LRP6: variants seen among roughly 807,000 people sequenced by gnomAD.
LRP6 encodes the protein low-density lipoprotein receptor-related protein 6.
A neutral mutation model predicts 184.1 loss-of-function variants in LRP6; 43 were observed. The observed-to-expected ratio is 0.23, with a 90% CI of 0.18 to 0.30. LRP6 has a LOEUF of 0.30. Ranked by LOEUF, LRP6 falls within the 10% of genes least tolerant of loss-of-function variation. The pLI is 1.00. For missense variants in LRP6, 1,571 were observed against 2,005.3 expected, an observed-to-expected ratio of 0.78 and a Z score of 4.14; for synonymous variants, 719 against 684.9, an observed-to-expected ratio of 1.05 and a Z score of -0.78.
chr12:12,125,486 TCAAG>T (rs1295746898), intron 20 of LRP6, 54 bp from the exon 21 acceptor site: 2 of 1,485,460 alleles, frequency 1.3e-6, no homozygotes, highest in African/African-American at 2.8e-5. Context: ...TAAAAATGTA[TCAAG>T]CAATTTCATT....
In LRP6 at chr12:12,173,933, T is replaced by C. The variant is rs75826156; in HGVS notation, c.1545+5877A>G. On this transcript the variant is annotated intron_variant, in intron 7 of 22. Transcript: ENST00000261349. ...CCAGGTGCTCTGCTGAGTTGAGGAA[T>C]CTAATGATGGAGTTTATCAATATCA... 9.2e-3 allele frequency among the ~76,000 whole-genome samples: 1,407 copies of C among 152,322 alleles called. 20 individuals carry two copies. The highest frequency in any genetic ancestry group is 0.032 in the African/African-American group (1,319 of 41,562).
chr12:12,231,649 G>A (rs1362679804), intron 2 of LRP6, among the ~76,000 whole-genome samples: 1 of 151,562 alleles, frequency 6.6e-6, no homozygotes, highest in Non-Finnish European at 1.5e-5. Flanking sequence ...CATGCCTGTA[G>A]TCCCAGAAGT....
intron 1 of LRP6, among the ~76,000 whole-genome samples, chr12:12,263,600 C>A (rs1026210775): frequency 6.6e-6 from 1 of 151,138 alleles, no homozygotes; most frequent in African/African-American, 2.4e-5. Flanking sequence ...CCCAGAACTC[C>A]GAGAGGCGGA....
intron 2 of LRP6, among the ~76,000 whole-genome samples, chr12:12,242,916 A>C (rs1014487198): frequency 2.0e-5 from 3 of 152,212 alleles, no homozygotes; most frequent in Non-Finnish European, 2.9e-5. Flanking sequence ...CAAGATAAAG[A>C]AGCACATATA....
intron 12 of LRP6, among the ~76,000 whole-genome samples, chr12:12,153,879 G>A (rs1950114862): frequency 6.6e-6 from 1 of 152,184 alleles, no homozygotes; most frequent in African/African-American, 2.4e-5. Flanking sequence ...TGGTAGCTTA[G>A]ACAAAGGTGT....
At position 12,150,836 on chromosome 12, in the gene LRP6, C is replaced by T. The variant is rs1950071482; in HGVS notation, c.2994G>A (p.Gln998=). 7 of 1,613,348 alleles carry T rather than the reference C, an allele frequency of 4.3e-6. No homozygotes were observed. Among genetic ancestry groups the T allele is most frequent in the Non-Finnish European group, 5.1e-6 (6 of 1,179,976 alleles). ...AATTTTGAACCAAGCTCTCAATTAC[C>T]TGGCTGCCATCTTCTTGTGCCTTTC... ...MIRKAQEDGS[Q]GFTVVVSSVP... The change falls in exon 13 of 23, where the codon CAG becomes CAA. Residue 998 remains glutamine, a splice_region_variant and synonymous_variant. Coordinates refer to ENST00000261349, the MANE Select transcript of LRP6 (RefSeq NM_002336.3).
rs191425529 is a variant in LRP6 at position 12,259,741 on chromosome 12, T to C, written c.55+6940A>G. Among the ~76,000 whole-genome samples, 25 of 152,350 alleles carry C rather than the reference T, an allele frequency of 1.6e-4. No homozygotes were observed. The East Asian group carries it at 2.5e-3, about 15-fold the overall frequency. On this transcript the variant is annotated intron_variant, in intron 1 of 22. Coordinates refer to ENST00000261349, the MANE Select transcript of LRP6 (RefSeq NM_002336.3). ...ATTTTAAGAGCAAACAGCCTGTTCT[T>C]AGATTGCCTAGTCTGTATATTTGAC... is the stretch of plus-strand genomic sequence containing the variant.
chr12:12,255,915 C>A (rs973614219), intron 1 of LRP6, among the ~76,000 whole-genome samples: 1 of 152,016 alleles, frequency 6.6e-6, no homozygotes, highest in Non-Finnish European at 1.5e-5. Flanking sequence ...GACAAACTAC[C>A]TATTTGCAAA....
chr12:12,159,214 C>A lies in LRP6; in HGVS notation c.2465-59G>T, dbSNP rs1862677614. On this transcript the variant is annotated intron_variant, in intron 11 of 22. Coordinates refer to ENST00000261349, the MANE Select transcript of LRP6 (RefSeq NM_002336.3). Reference sequence around the variant, plus strand: ...CAGAGTGATGAAATATGTGAGAATACAAGTGTCTTGCTGGCAAAAAGAAAA... The same window carrying A: ...CAGAGTGATGAAATATGTGAGAATAAAAGTGTCTTGCTGGCAAAAAGAAAA... 18 of 1,282,372 alleles carry A rather than the reference C, an allele frequency of 1.4e-5. No homozygotes were observed. The South Asian group carries it at 1.6e-4, about 11-fold the overall frequency. 79.4% of individuals were successfully genotyped at this position (1,282,372 alleles called of 1,614,324 possible). A position where few individuals can be genotyped will look rare whatever the true frequency, so the allele number is the denominator to read the frequency against.
At chr12:12,137,659 T>C (rs1223065866) in intron 16 of LRP6, among the ~76,000 whole-genome samples, 2 of 152,070 alleles carry the variant, frequency 1.3e-5, no homozygotes, top group Admixed American at 6.6e-5. Context: ...GGGGGAAGTA[T>C]AGAGAGGGAA....
At chr12:12,196,086 A>G (rs1863750561) in intron 3 of LRP6, among the ~76,000 whole-genome samples, 2 of 152,116 alleles carry the variant, frequency 1.3e-5, no homozygotes, top group Non-Finnish European at 2.9e-5. Flanking sequence ...TGTTTTGGTT[A>G]CTACAACTTT....
intron 17 of LRP6, among the ~76,000 whole-genome samples, chr12:12,133,235 G>A (rs1204380554): frequency 6.6e-6 from 1 of 152,172 alleles, no homozygotes; most frequent in Admixed American, 6.5e-5. Flanking sequence ...TGCAAACCGT[G>A]TGATATAGTT....
At chr12:12,168,439 G>A (rs985497272) in intron 7 of LRP6, among the ~76,000 whole-genome samples, 3 of 152,188 alleles carry the variant, frequency 2.0e-5, no homozygotes, top group Non-Finnish European at 4.4e-5. Context: ...CACACGACAT[G>A]TTTGACTTTG....
intron 13 of LRP6, among the ~76,000 whole-genome samples, chr12:12,150,332 G>A (rs1043030420): frequency 2.6e-5 from 4 of 152,130 alleles, no homozygotes; most frequent in African/African-American, 9.7e-5. Context: ...TAACCCTACT[G>A]AGATTGTGTT....
chr12:12,243,281 T>C (rs191286624), intron 2 of LRP6, among the ~76,000 whole-genome samples: 6 of 152,362 alleles, frequency 3.9e-5, no homozygotes, highest in African/African-American at 1.4e-4. Flanking sequence ...GCTTTAAGTT[T>C]TCCTTCTCAT....
At chr12:12,258,421 G>A (rs75425388) in intron 1 of LRP6, among the ~76,000 whole-genome samples, 2 of 152,232 alleles carry the variant, frequency 1.3e-5, no homozygotes, top group Admixed American at 6.5e-5. Flanking sequence ...CTTTGTAATC[G>A]TTACAAATTT....
intron 4 of LRP6, among the ~76,000 whole-genome samples, chr12:12,185,847 GTTTT>G (rs71435899): frequency 7.1e-6 from 1 of 140,892 alleles, no homozygotes. Context: ...TGTGTTTTTT[GTTTT>G]TTTTTTTTTT....
chr12:12,164,919 T>TTA (rs1280117813), intron 8 of LRP6, among the ~76,000 whole-genome samples, 160 bp downstream of exon 8: 15 of 57,076 alleles, frequency 2.6e-4, no homozygotes, highest in African/African-American at 7.3e-4. Context: ...CCCTTCTCAG[T>TTA]AAAAAAAAAA....
intron 7 of LRP6, among the ~76,000 whole-genome samples, chr12:12,178,194 C>T (rs911232613): frequency 1.3e-5 from 2 of 152,140 alleles, no homozygotes; most frequent in African/African-American, 4.8e-5. Context: ...AAGATGGTCA[C>T]TCAGAACCTC....
Sources: gnomAD v4.1 joint callset for allele counts (sites outside exome capture counted in the v4.1 genomes callset) on GRCh38, gnomAD v4.1.1 for gene constraint, MANE v1.5 for transcripts, NCBI Gene and HGNC (gene_info 2026-07-23, HGNC 2026-07-21) for gene names.